NFIB: variants seen among roughly 807,000 people sequenced by gnomAD.
The protein encoded by NFIB is nuclear factor 1 B-type.
A neutral mutation model predicts 61.5 loss-of-function variants in NFIB; 11 were observed. That is an observed-to-expected ratio of 0.18 (90% confidence interval 0.11 to 0.30). NFIB has a LOEUF of 0.30. Ranked by LOEUF, NFIB falls within the 10% of genes least tolerant of loss-of-function variation. NFIB has a pLI of 1.00. For synonymous variants in NFIB, 260 were observed against 216.5 expected, an observed-to-expected ratio of 1.20 and a Z score of -1.76; for missense variants, 471 against 608.9, an observed-to-expected ratio of 0.77 and a Z score of 2.38.
chr9:14,280,230 C>T (rs1234198200), intron 2 of NFIB, among the ~76,000 whole-genome samples: 1 of 152,126 alleles, frequency 6.6e-6, no homozygotes, highest in Non-Finnish European at 1.5e-5. Context: ...GCTGATTCCA[C>T]CACTTGCTAG....
the NFIB span, among the ~76,000 whole-genome samples, chr9:14,507,065 A>T: frequency 2.0e-5 from 3 of 152,248 alleles, no homozygotes; most frequent in South Asian, 6.2e-4. Flanking sequence ...ACTTATTAAA[A>T]TCATTTAAAA....
At chr9:14,178,139 T>C (rs1036630782) in intron 3 of NFIB, among the ~76,000 whole-genome samples, 2 of 152,160 alleles carry the variant, frequency 1.3e-5, no homozygotes, top group African/African-American at 4.8e-5. Flanking sequence ...TCCCACCTCA[T>C]TCTTTGTAAG....
chr9:14,290,323 G>C (rs1400519781), intron 2 of NFIB, among the ~76,000 whole-genome samples: 2 of 151,942 alleles, frequency 1.3e-5, no homozygotes, highest in Non-Finnish European at 2.9e-5. Flanking sequence ...CCGCACTTTA[G>C]GCATAGCATT....
intron 2 of NFIB, among the ~76,000 whole-genome samples, chr9:14,199,003 C>G (rs2048738941): frequency 6.6e-6 from 1 of 152,196 alleles, no homozygotes; most frequent in Admixed American, 6.5e-5. Context: ...CTTCACAGAG[C>G]TTTAAATAGA....
At chr9:14,330,724 T>C (rs1308692002) in intron 1 of NFIB, among the ~76,000 whole-genome samples, 2 of 152,066 alleles carry the variant, frequency 1.3e-5, no homozygotes, top group African/African-American at 4.8e-5. Context: ...AGGACACACA[T>C]AGAGTGCCAC....
At chr9:14,184,471 C>T (rs1026208212) in intron 2 of NFIB, among the ~76,000 whole-genome samples, 9 of 148,270 alleles carry the variant, frequency 6.1e-5, no homozygotes, top group Non-Finnish European at 1.2e-4. Context: ...TACTAATTGA[C>T]GTTTTAAAGA....
In NFIB at chr9:14,083,377, C is replaced by T. The variant is rs537323014; in HGVS notation, c.*4932G>A. 4.5e-6 allele frequency: 1 copy of T among 221,658 alleles called. No homozygotes were observed. Among genetic ancestry groups the T allele is most frequent in the Non-Finnish European group, 9.0e-6 (1 of 111,294 alleles). The allele number at this position is 221,658 out of a possible 1,614,324, so 13.7% of individuals were successfully genotyped here. On this transcript the variant is annotated 3_prime_UTR_variant, in exon 11 of 11. Coordinates refer to ENST00000380953, the MANE Select transcript of NFIB (RefSeq NM_001190737.2). ...GAATTAGAAAAAACAGGGGAACTAC[C>T]AGAAAGTGCAAAATATGAAGAAGGC...
intron 2 of NFIB, among the ~76,000 whole-genome samples, chr9:14,278,379 CTGT>C (rs2058148610): frequency 6.6e-6 from 1 of 152,332 alleles, no homozygotes; most frequent in South Asian, 2.1e-4. Flanking sequence ...TATACAGCTG[CTGT>C]TATTTGTCAT....
chr9:14,093,744 CTG>C (rs754085576), intron 10 of NFIB, among the ~76,000 whole-genome samples: 3 of 152,038 alleles, frequency 2.0e-5, no homozygotes, highest in Non-Finnish European at 1.5e-5. Flanking sequence ...GTTGGGAAAA[CTG>C]TGCTGCCCTG....
the NFIB span, among the ~76,000 whole-genome samples, chr9:14,526,477 A>G: frequency 1.2e-4 from 18 of 152,332 alleles, no homozygotes; most frequent in Non-Finnish European, 1.9e-4. Context: ...GCATAGCTAC[A>G]TATATCCCTT....
intron 7 of NFIB, 94 bp downstream of exon 7, chr9:14,125,538 C>T (rs1192734501): frequency 4.6e-6 from 7 of 1,507,502 alleles, no homozygotes; most frequent in South Asian, 1.3e-5. Context: ...ATATGGTTGC[C>T]ATAGCTCTAT....
chr9:14,212,141 A>C (rs917598307), intron 2 of NFIB, among the ~76,000 whole-genome samples: 1 of 152,250 alleles, frequency 6.6e-6, no homozygotes, highest in African/African-American at 2.4e-5. Flanking sequence ...TAAATCCCTG[A>C]GAAAGCCTAG....
the NFIB span, among the ~76,000 whole-genome samples, chr9:14,446,050 T>C: frequency 1.3e-5 from 2 of 152,168 alleles, no homozygotes; most frequent in Non-Finnish European, 2.9e-5. Context: ...ATGTTGGAGA[T>C]ATAATCGCAC....
intron 2 of NFIB, among the ~76,000 whole-genome samples, chr9:14,218,424 T>C (rs2051208619): frequency 6.6e-6 from 1 of 152,160 alleles, no homozygotes; most frequent in Non-Finnish European, 1.5e-5. Flanking sequence ...GCATTCTGTC[T>C]AAGCCAACAC....
chr9:14,459,516 C>T, the NFIB span, among the ~76,000 whole-genome samples: 39 of 152,102 alleles, frequency 2.6e-4, no homozygotes, highest in East Asian at 7.7e-4. Flanking sequence ...AATTGACAAA[C>T]GGGATCTAAT....
In NFIB at chr9:14,084,925, A is replaced by T. The variant is rs2032610617; in HGVS notation, c.*3384T>A. On this transcript the variant is annotated 3_prime_UTR_variant, in exon 11 of 11. Coordinates refer to ENST00000380953, the MANE Select transcript of NFIB (RefSeq NM_001190737.2). ...TTGTATTCAAGAGGCAGGCAGGAAT[A>T]CCCACAGTGTGTAACTTGGTTAGCT... 2 of 230,746 alleles carry T rather than the reference A, an allele frequency of 8.7e-6. No individual in the cohort carries two copies. 14.3% of individuals were successfully genotyped at this position (230,746 alleles called of 1,614,324 possible).
chr9:14,102,633 T>TAA, intron 10 of NFIB: 1 of 599,366 alleles, frequency 1.7e-6, no homozygotes, highest in Non-Finnish European at 2.4e-6. Flanking sequence ...AGAGGCAACT[T>TAA]AAAGAAAAAA....
chr9:14,315,065 G>C (rs1485351149), upstream of NFIB, among the ~76,000 whole-genome samples: 1 of 151,936 alleles, frequency 6.6e-6, no homozygotes, highest in Non-Finnish European at 1.5e-5. Context: ...CGGAGCCTGC[G>C]GCTGCCGGGA....
At chr9:14,415,973 T>A in the NFIB span, among the ~76,000 whole-genome samples, 9 of 152,138 alleles carry the variant, frequency 5.9e-5, no homozygotes, top group African/African-American at 2.2e-4. Flanking sequence ...ACATACAGGA[T>A]TATTATTAAG....
Sources: gnomAD v4.1 joint callset for allele counts (sites outside exome capture counted in the v4.1 genomes callset) on GRCh38, gnomAD v4.1.1 for gene constraint, MANE v1.5 for transcripts, NCBI Gene and HGNC (gene_info 2026-07-23, HGNC 2026-07-21) for gene names.